Variants in ZNF841 observed in about 807,000 individuals in gnomAD.
ZNF841 encodes the protein zinc finger protein 841.
Under a neutral mutation model 13.0 loss-of-function variants are expected in ZNF841, and 11 were observed. The ratio of observed to expected loss-of-function variants is 0.85; its 90% CI spans 0.53 to 1.40. The LOEUF (loss-of-function observed/expected upper bound fraction) is 1.40. ZNF841 is among the 40% of genes most tolerant of loss of function. The pLI is 0.00. For synonymous variants in ZNF841, 369 were observed against 381.6 expected (o/e 0.97, Z 0.38); for missense variants, 1,068 against 1,139.5 (o/e 0.94, Z 0.90).
intron 2 of ZNF841, among the ~76,000 whole-genome samples, chr19:52,092,449 C>A (rs1014350821): frequency 6.6e-6 from 1 of 152,122 alleles, no homozygotes; most frequent in Non-Finnish European, 1.5e-5. Context: ...AAGCTATCAC[C>A]TCATACCTCT....
chr19:52,075,648 C>A (rs1198884857), intron 6 of ZNF841, among the ~76,000 whole-genome samples: 2 of 152,130 alleles, frequency 1.3e-5, no homozygotes, highest in Admixed American at 6.5e-5. Flanking sequence ...TTCCAGGCAC[C>A]AGGACTATGG....
intron 4 of ZNF841, 132 bp from the exon 5 acceptor site, chr19:52,077,216 A>G (rs1338297152): frequency 9.6e-7 from 1 of 1,036,376 alleles, no homozygotes. Flanking sequence ...AGTATCTGTG[A>G]GATAATTACG....
Position 52,065,236 on chromosome 19 carries a change from A to C in ZNF841, c.2646T>G (p.Cys882Trp). ...SSEKPYKCNE[C>W]GKSYISRSGL... is the part of the protein sequence containing the mutation. ...CTGAGCGACTAATGTAAGATTTGCC[A>C]CACTCATTACATTTATAAGGTTTTT... Residue 882 changes from cysteine to tryptophan, a missense_variant, in exon 7 of 7, where the codon TGT becomes TGG. Transcript: ENST00000594440. The C allele has an allele frequency of 1.2e-6, 2 of 1,613,890 alleles. No individual in the cohort carries two copies. Among genetic ancestry groups the C allele is most frequent in the Non-Finnish European group, 1.7e-6 (2 of 1,179,884 alleles).
chr19:52,079,877 G>C (rs1395360391), intron 4 of ZNF841, among the ~76,000 whole-genome samples: 4 of 151,792 alleles, frequency 2.6e-5, no homozygotes, highest in African/African-American at 9.7e-5. Context: ...TGTAATCCCA[G>C]CTACTAGGGA....
intron 2 of ZNF841, 79 bp from the exon 3 acceptor site, chr19:52,089,081 A>G (rs1254943957): frequency 6.6e-6 from 1 of 152,156 alleles, no homozygotes; most frequent in East Asian, 1.9e-4. Flanking sequence ...TTTGCTAAAT[A>G]CCTTTTTTAT....
intron 5 of ZNF841, 23 bp from the exon 6 acceptor site, chr19:52,076,195 GAT>G: frequency 1.3e-6 from 2 of 1,548,694 alleles, no homozygotes; most frequent in Non-Finnish European, 1.7e-6. Context: ...AAAGAAAGAA[GAT>G]GTCCCACGGT....
At chr19:52,071,760 TA>T (rs1214728818) in intron 6 of ZNF841, among the ~76,000 whole-genome samples, 1 of 149,442 alleles carries the variant, frequency 6.7e-6, no homozygotes, top group Non-Finnish European at 1.5e-5. Context: ...ATCAACTATA[TA>T]AAAACGAAGG....
chr19:52,060,523 C>CT (rs74888034), downstream of ZNF841, among the ~76,000 whole-genome samples: 1,311 of 148,524 alleles, frequency 8.8e-3, 11 homozygotes, highest in Non-Finnish European at 0.012. Flanking sequence ...AGTCCTATTC[C>CT]TTTTTTTTTT....
In ZNF841 at chr19:52,065,828, T is replaced by G; in HGVS notation, c.2054A>C (p.Glu685Ala). The change falls in exon 7 of 7, where the codon GAA becomes GCA. Residue 685 changes from glutamate (E) to alanine (A), a missense_variant. Glu to Ala is a moderately radical substitution (Grantham distance 107, BLOSUM62 -1). Coordinates refer to ENST00000594440, the MANE Select transcript of ZNF841 (RefSeq NM_001136499.2). Reference protein sequence around the residue: ...HTGENPYHCNEFGEAFIQSSK... With the variant: ...HTGENPYHCNAFGEAFIQSSK... ...ACTTTGGATAAAAGCCTCACCAAAT[T>G]CATTACAGTGGTAAGGGTTCTCTCC... 6.2e-7 allele frequency: 1 copy of G among 1,613,724 alleles called. No homozygotes were observed. Among genetic ancestry groups the G allele is most frequent in the Non-Finnish European group, 8.5e-7 (1 of 1,179,726 alleles).
At chr19:52,059,370 A>AAAAAAAAAAATAT in the ZNF841 span, among the ~76,000 whole-genome samples, 1 of 69,648 alleles carries the variant, frequency 1.4e-5, no homozygotes, top group Non-Finnish European at 2.4e-5. Flanking sequence ...AAAAAAAAAA[A>AAAAAAAAAAATAT]ATATATATAT....
chr19:52,087,892 C>G (rs575664380), intron 3 of ZNF841, among the ~76,000 whole-genome samples: 1 of 151,936 alleles, frequency 6.6e-6, no homozygotes, highest in Non-Finnish European at 1.5e-5. Context: ...ATACTGGCAC[C>G]ACTATCTACT....
Position 52,066,151 on chromosome 19 carries a change from G to C in ZNF841, c.1731C>G (p.Val577=). Residue 577 remains valine (V), a synonymous_variant, in exon 7 of 7, where the codon GTC becomes GTG. Transcript: ENST00000594440. ...KPLHCNKCGM[V]FTYYSCLARH... ...GTGCTAGGCATGAATAGTAAGTGAA[G>C]ACCATGCCACATTTATTACAATGGA... 6.2e-7 allele frequency: 1 copy of C among 1,613,898 alleles called. No individual in the cohort carries two copies. Among genetic ancestry groups the C allele is most frequent in the Non-Finnish European group, 8.5e-7 (1 of 1,179,934 alleles).
intron 6 of ZNF841, among the ~76,000 whole-genome samples, chr19:52,071,222 T>C (rs911585649): frequency 1.3e-5 from 2 of 152,206 alleles, no homozygotes; most frequent in African/African-American, 2.4e-5. Context: ...ATATTTGCTA[T>C]GAAATTTATC....
intron 4 of ZNF841, among the ~76,000 whole-genome samples, chr19:52,078,495 C>G (rs1362597197): frequency 1.3e-5 from 2 of 151,936 alleles, no homozygotes; most frequent in Non-Finnish European, 2.9e-5. Context: ...GTCAGGAGAT[C>G]GAGACCATCC....
chr19:52,075,654 T>C (rs2087875312), intron 6 of ZNF841, among the ~76,000 whole-genome samples: 1 of 152,164 alleles, frequency 6.6e-6, no homozygotes, highest in African/African-American at 2.4e-5. Flanking sequence ...GCACCAGGAC[T>C]ATGGAGCCCT....
chr19:52,059,304 C>A, the ZNF841 span, among the ~76,000 whole-genome samples: 1 of 139,370 alleles, frequency 7.2e-6, no homozygotes, highest in Non-Finnish European at 1.5e-5. Flanking sequence ...GAGCTGAGAT[C>A]GCGCCGCTGC....
the ZNF841 span, among the ~76,000 whole-genome samples, chr19:52,059,390 T>TACACACACAC: frequency 1.0e-5 from 1 of 96,388 alleles, no homozygotes; most frequent in African/African-American, 4.2e-5. Context: ...TATATATATA[T>TACACACACAC]ACACACACAC....
intron 6 of ZNF841, among the ~76,000 whole-genome samples, chr19:52,074,272 T>C (rs1376091467): frequency 6.6e-6 from 1 of 152,180 alleles, no homozygotes; most frequent in Non-Finnish European, 1.5e-5. Context: ...TGGAACTGAT[T>C]AAATAAATAA....
At chr19:52,091,536 C>T (rs548416988) in intron 2 of ZNF841, among the ~76,000 whole-genome samples, 1 of 152,188 alleles carries the variant, frequency 6.6e-6, no homozygotes, top group East Asian at 1.9e-4. Context: ...AATAAACATG[C>T]ACATATACAA....
Sources: gnomAD v4.1 joint callset for allele counts (sites outside exome capture counted in the v4.1 genomes callset) on GRCh38, gnomAD v4.1.1 for gene constraint, MANE v1.5 for transcripts, NCBI Gene and HGNC (gene_info 2026-07-23, HGNC 2026-07-21) for gene names.